Variants in UBR3 observed in about 807,000 individuals in gnomAD.
UBR3 encodes the protein E3 ubiquitin-protein ligase UBR3.
Under a neutral mutation model 243.2 loss-of-function variants are expected in UBR3, and 85 were observed. That is an observed-to-expected ratio of 0.35 (90% CI 0.29 to 0.42). The LOEUF (loss-of-function observed/expected upper bound fraction) is 0.42. Ranked by LOEUF, UBR3 falls within the 10% of genes least tolerant of loss-of-function variation. UBR3 has a pLI of 1.00. For synonymous variants in UBR3, 748 were observed against 799.8 expected, an observed-to-expected ratio of 0.94 and a Z score of 1.09; for missense variants, 1,686 against 2,300.8, an observed-to-expected ratio of 0.73 and a Z score of 5.47.
intron 35 of UBR3, among the ~76,000 whole-genome samples, chr2:170,063,045 A>G (rs2091484879): frequency 6.6e-6 from 1 of 152,234 alleles, no homozygotes; most frequent in Non-Finnish European, 1.5e-5. Flanking sequence ...ATTGTGTTTC[A>G]GGATAAAACC....
chr2:169,855,759 A>T (rs569043398), intron 1 of UBR3, among the ~76,000 whole-genome samples: 74 of 152,316 alleles, frequency 4.9e-4, no homozygotes, highest in South Asian at 1.2e-3. Flanking sequence ...TTCCACACAG[A>T]CACAGTAACA....
chr2:170,013,928 C>T (rs1455356340), intron 29 of UBR3: 1 of 469,724 alleles, frequency 2.1e-6, no homozygotes, highest in Non-Finnish European at 4.4e-6. Flanking sequence ...TCTCCGCTCG[C>T]TTTCTGTCCA....
intron 5 of UBR3, among the ~76,000 whole-genome samples, chr2:169,889,942 A>G (rs1475649649): frequency 6.6e-6 from 1 of 152,208 alleles, no homozygotes; most frequent in Non-Finnish European, 1.5e-5. Flanking sequence ...TACCAACACC[A>G]TTGTTAGCAC....
chr2:169,855,854 G>A (rs1239652858), intron 1 of UBR3, among the ~76,000 whole-genome samples: 2 of 152,266 alleles, frequency 1.3e-5, no homozygotes, highest in African/African-American at 4.8e-5. Flanking sequence ...TTCTCAGTGA[G>A]CTGTTGGGTA....
At chr2:169,951,070 A>G (rs1245393129) in intron 23 of UBR3, among the ~76,000 whole-genome samples, 3 of 152,146 alleles carry the variant, frequency 2.0e-5, no homozygotes. Flanking sequence ...CAAAGCAACA[A>G]TTATAGGGGA....
intron 1 of UBR3, among the ~76,000 whole-genome samples, chr2:169,852,869 A>AC (rs1559021085): frequency 1.5e-4 from 22 of 145,468 alleles, no homozygotes; most frequent in African/African-American, 5.2e-4. Flanking sequence ...AAAAAAAAAA[A>AC]AAAAAAAAAC....
intron 1 of UBR3, among the ~76,000 whole-genome samples, chr2:169,848,748 GC>G (rs1366248409): frequency 8.6e-5 from 13 of 151,120 alleles, no homozygotes; most frequent in Admixed American, 5.3e-4. Context: ...TGTTGCCCAG[GC>G]TGGAGTGCAG....
intron 22 of UBR3, chr2:169,947,948 A>G (rs928296315): frequency 1.0e-6 from 1 of 985,124 alleles, no homozygotes; most frequent in Non-Finnish European, 1.2e-6. Flanking sequence ...GTAGATGTGT[A>G]TGATATTTTC....
chr2:169,901,107 C>T (rs932344634), intron 8 of UBR3, among the ~76,000 whole-genome samples: 1 of 152,134 alleles, frequency 6.6e-6, no homozygotes, highest in Non-Finnish European at 1.5e-5. Flanking sequence ...CTCTTCTCTA[C>T]TTGTCCTATC....
intron 1 of UBR3, among the ~76,000 whole-genome samples, chr2:169,845,511 TCG>T (rs1315056877): frequency 2.2e-5 from 3 of 139,284 alleles, no homozygotes; most frequent in African/African-American, 9.2e-5. Context: ...ATCGTCGTCG[TCG>T]TCGTCGTCGT....
intron 1 of UBR3, among the ~76,000 whole-genome samples, chr2:169,856,242 G>A (rs2082853946): frequency 6.6e-6 from 1 of 151,226 alleles, no homozygotes; most frequent in Non-Finnish European, 1.5e-5. Context: ...ATGGGGCGGC[G>A]GGGCAGAGGC....
Position 169,949,676 on chromosome 2 carries a change from C to G in UBR3, c.3156C>G (p.Arg1052=), listed in dbSNP as rs966762235. The G allele has an allele frequency of 6.4e-7, 1 of 1,551,462 alleles. No homozygotes were observed. Residue 1052 remains arginine (R), a synonymous_variant, in exon 23 of 39, where the codon CGC becomes CGG. Coordinates refer to ENST00000272793, the MANE Select transcript of UBR3 (RefSeq NM_172070.4). ...RRKKFQEIIN[R]SSSEANQVVR... is the part of the protein sequence containing the mutation. ...AGAAATTTCAGGAAATCATCAATCG[C>G]AGTAGCAGTGAAGCAAATCAGGTGG...
At chr2:169,906,425 T>C (rs1339535646) in intron 10 of UBR3, among the ~76,000 whole-genome samples, 1 of 92,896 alleles carries the variant, frequency 1.1e-5, no homozygotes, top group East Asian at 3.2e-4. Context: ...GTTTCATTTG[T>C]TATCAGTTGC....
At chr2:169,877,688 C>G (rs2083667639) in intron 4 of UBR3, 51 bp downstream of exon 4, 2 of 1,469,460 alleles carry the variant, frequency 1.4e-6, no homozygotes, top group African/African-American at 2.9e-5. Flanking sequence ...GTATTAAAAC[C>G]AAAAAAACCT....
chr2:170,001,928 AAAAAAAAAAAAAAAG>A (rs1200810018), intron 27 of UBR3, among the ~76,000 whole-genome samples: 51 of 149,392 alleles, frequency 3.4e-4, no homozygotes, highest in African/African-American at 1.2e-3. Context: ...AAAAAAAAAA[AAAAAAAAAAAAAAAG>A]AAAGAAAAAT....
chr2:169,854,087 G>C (rs1042542343), intron 1 of UBR3, among the ~76,000 whole-genome samples: 5 of 152,132 alleles, frequency 3.3e-5, no homozygotes, highest in Non-Finnish European at 7.3e-5. Context: ...TTAAAACCTA[G>C]ATGACGGGTT....
At chr2:169,987,209 A>C (rs1243606920) in intron 25 of UBR3, among the ~76,000 whole-genome samples, 1 of 151,964 alleles carries the variant, frequency 6.6e-6, no homozygotes, top group South Asian at 2.1e-4. Flanking sequence ...CATGGCCAAC[A>C]TGGTGAAACC....
chr2:170,070,630 G>T (rs1271974252), intron 35 of UBR3, among the ~76,000 whole-genome samples: 1 of 152,092 alleles, frequency 6.6e-6, no homozygotes, highest in Non-Finnish European at 1.5e-5. Flanking sequence ...GTTCAGCAAG[G>T]TTGTAGGATA....
chr2:170,005,025 C>T (rs1559178144), intron 27 of UBR3, among the ~76,000 whole-genome samples: 1 of 152,116 alleles, frequency 6.6e-6, no homozygotes, highest in African/African-American at 2.4e-5. Context: ...AGATCGAGAC[C>T]ATCCTGGCTA....
Sources: gnomAD v4.1 joint callset for allele counts (sites outside exome capture counted in the v4.1 genomes callset) on GRCh38, gnomAD v4.1.1 for gene constraint, MANE v1.5 for transcripts, NCBI Gene and HGNC (gene_info 2026-07-23, HGNC 2026-07-21) for gene names.